RNLS: variants seen among roughly 807,000 people sequenced by gnomAD.
RNLS encodes renalase.
In RNLS, 39 loss-of-function variants were observed where a neutral mutation model predicts 39.8. That is an observed-to-expected ratio of 0.98 (90% confidence interval 0.76 to 1.28). The LOEUF is 1.28. RNLS is among the 50% of genes most tolerant of loss of function. RNLS has a pLI of 0.00. For missense variants in RNLS, 410 were observed against 413.3 expected (o/e 0.99, Z 0.07); for synonymous variants, 147 against 150.7 (o/e 0.98, Z 0.18).
intron 4 of RNLS, among the ~76,000 whole-genome samples, chr10:88,366,764 T>C (rs1307739958): frequency 6.7e-6 from 1 of 149,532 alleles, no homozygotes; most frequent in South Asian, 2.1e-4. Flanking sequence ...AAGTCCCCTC[T>C]GCTTTAATCC....
At chr10:88,317,777 G>C (rs1165480297) in intron 5 of RNLS, among the ~76,000 whole-genome samples, 1 of 152,122 alleles carries the variant, frequency 6.6e-6, no homozygotes, top group African/African-American at 2.4e-5. Context: ...TTACAGAAGA[G>C]ATCCAGGACC....
At position 88,440,433 on chromosome 10, in the gene RNLS, G is replaced by A. The variant is rs190217683; in HGVS notation, c.527-77708C>T. On this transcript the variant is annotated intron_variant, in intron 4 of 6. Transcript: ENST00000331772. ...AATGTATAATTCAAGATACCTTCAG[G>A]TGCAAAGAAAGAAAAGTGCTACTCA... 7.1e-4 allele frequency among the ~76,000 whole-genome samples: 108 copies of A among 152,266 alleles called. 1 individual carries two copies. In the South Asian group the frequency reaches 8.5e-3, roughly 12 times the overall value.
At chr10:88,338,189 G>A (rs1194676712) in intron 5 of RNLS, among the ~76,000 whole-genome samples, 1 of 152,188 alleles carries the variant, frequency 6.6e-6, no homozygotes, top group East Asian at 1.9e-4. Flanking sequence ...GTGGAAATTT[G>A]TGTCTTTAGA....
At chr10:88,524,419 T>C (rs1262970397) in intron 4 of RNLS, among the ~76,000 whole-genome samples, 1 of 152,144 alleles carries the variant, frequency 6.6e-6, no homozygotes, top group African/African-American at 2.4e-5. Flanking sequence ...TTGTTGAGTA[T>C]ATGTATGAAT....
chr10:88,580,693 AC>A (rs1283569414), intron 3 of RNLS, among the ~76,000 whole-genome samples: 1 of 152,340 alleles, frequency 6.6e-6, no homozygotes, highest in East Asian at 1.9e-4. Flanking sequence ...TATGAATAAG[AC>A]ATTCACAGAA....
intron 4 of RNLS, among the ~76,000 whole-genome samples, chr10:88,407,396 G>T (rs1564774284): frequency 6.6e-6 from 1 of 151,872 alleles, no homozygotes; most frequent in Non-Finnish European, 1.5e-5. Context: ...TGCTCTCTTA[G>T]ATTCCTTTAT....
At chr10:88,404,345 C>A (rs2133660827) in intron 4 of RNLS, among the ~76,000 whole-genome samples, 1 of 152,190 alleles carries the variant, frequency 6.6e-6, no homozygotes, top group African/African-American at 2.4e-5. Flanking sequence ...TTTAATCATT[C>A]TAAGCCTGTT....
At chr10:88,500,460 T>G (rs542743877) in intron 4 of RNLS, among the ~76,000 whole-genome samples, 1 of 152,182 alleles carries the variant, frequency 6.6e-6, no homozygotes, top group South Asian at 2.1e-4. Context: ...GACTCTTGTT[T>G]AGGAACACGT....
chr10:88,172,339 A>T, the RNLS span, among the ~76,000 whole-genome samples: 2 of 151,728 alleles, frequency 1.3e-5, no homozygotes, highest in African/African-American at 2.4e-5. Context: ...AGCATTTGAT[A>T]TTTTTTTTGT....
intron 6 of RNLS, among the ~76,000 whole-genome samples, chr10:88,293,070 A>C (rs1446604594): frequency 6.6e-6 from 1 of 152,046 alleles, no homozygotes; most frequent in Non-Finnish European, 1.5e-5. Flanking sequence ...AAGAAACAAA[A>C]AAAAAATTTT....
the RNLS span, among the ~76,000 whole-genome samples, chr10:88,181,803 A>G: frequency 1.4e-3 from 215 of 152,250 alleles, no homozygotes; most frequent in African/African-American, 5.0e-3. Context: ...TTTGGTTTCT[A>G]TAGTGTTTAC....
At chr10:88,417,167 TTGTAATTTTTG>T (rs1854081922) in intron 4 of RNLS, among the ~76,000 whole-genome samples, 1 of 152,180 alleles carries the variant, frequency 6.6e-6, no homozygotes, top group African/African-American at 2.4e-5. Context: ...CTGGGAGAAG[TTGTAATTTTTG>T]AATCAAGATT....
intron 4 of RNLS, among the ~76,000 whole-genome samples, chr10:88,432,913 T>C (rs1268412120): frequency 6.6e-6 from 1 of 152,018 alleles, no homozygotes; most frequent in Non-Finnish European, 1.5e-5. Flanking sequence ...GAGATTTTTT[T>C]CAACTAGCTG....
downstream of RNLS, among the ~76,000 whole-genome samples, chr10:88,269,943 G>A (rs1319463487): frequency 1.3e-5 from 2 of 152,180 alleles, no homozygotes; most frequent in Non-Finnish European, 2.9e-5. Flanking sequence ...CGCCTCCTGG[G>A]TTCAAGTGGT....
intron 4 of RNLS, among the ~76,000 whole-genome samples, chr10:88,566,753 C>T (rs916363564): frequency 3.3e-5 from 5 of 152,054 alleles, no homozygotes; most frequent in Admixed American, 2.0e-4. Flanking sequence ...ATACTTTAAG[C>T]TTTTGTAGAT....
chr10:88,373,990 T>C (rs1272776130), intron 4 of RNLS, among the ~76,000 whole-genome samples: 1 of 152,108 alleles, frequency 6.6e-6, no homozygotes, highest in Non-Finnish European at 1.5e-5. Context: ...TAGCCCCATC[T>C]GTTAAGCAGA....
chr10:88,447,479 C>G (rs992178468), intron 4 of RNLS, among the ~76,000 whole-genome samples: 1 of 152,112 alleles, frequency 6.6e-6, no homozygotes, highest in African/African-American at 2.4e-5. Flanking sequence ...TCAAGGAGAA[C>G]TACAAACCAC....
downstream of RNLS, among the ~76,000 whole-genome samples, chr10:88,272,451 T>C (rs978117634): frequency 1.3e-5 from 2 of 152,194 alleles, no homozygotes; most frequent in African/African-American, 4.8e-5. Context: ...GGCAGCACCT[T>C]GGGAACATTT....
At position 88,574,856 on chromosome 10, in the gene RNLS, G is replaced by C. The variant is rs373734980; in HGVS notation, c.368-1795C>G. Among the ~76,000 whole-genome samples, 22 of 151,960 alleles carry C rather than the reference G, an allele frequency of 1.4e-4. No individual in the cohort carries two copies. In the East Asian group the frequency reaches 1.8e-3, roughly 12 times the overall value. On this transcript the variant is annotated intron_variant, in intron 3 of 6. Coordinates refer to ENST00000331772, the MANE Select transcript of RNLS (RefSeq NM_001031709.3). ...TCCACCATCTCCTTTATTCCAACAA[G>C]GGCAGCTCTGCTTCACTCTGTTTTT...
Sources: allele counts gnomAD v4.1 joint callset (sites outside exome capture counted in the v4.1 genomes callset), GRCh38; gene constraint gnomAD v4.1.1; transcripts MANE v1.5; gene names NCBI Gene and HGNC (gene_info 2026-07-23, HGNC 2026-07-21).